NRP1: variants seen among roughly 807,000 people sequenced by gnomAD.
NRP1 encodes neuropilin-1.
Under a neutral mutation model 106.7 loss-of-function variants are expected in NRP1, and 35 were observed. The observed-to-expected ratio is 0.33, with a 90% confidence interval of 0.25 to 0.43. The LOEUF is 0.43. NRP1 is among the 20% of genes least tolerant of loss of function. NRP1 has a pLI of 1.00. For synonymous variants in NRP1, 437 were observed against 417.9 expected (o/e 1.05, Z -0.56); for missense variants, 1,024 against 1,170.4 (o/e 0.87, Z 1.83).
intron 9 of NRP1, chr10:33,212,917 C>T (rs568272378): frequency 2.5e-5 from 8 of 320,096 alleles, no homozygotes; most frequent in East Asian, 1.9e-4. Context: ...ACAATCCGCC[C>T]GACTCGGCAT....
chr10:33,262,153 A>G (rs1842618874), intron 4 of NRP1, among the ~76,000 whole-genome samples: 1 of 152,216 alleles, frequency 6.6e-6, no homozygotes, highest in South Asian at 2.1e-4. Flanking sequence ...AGAACTTCCA[A>G]GCCATCCTCT....
At chr10:33,201,715 G>A (rs1451170442) in intron 11 of NRP1, 1 of 152,174 alleles carries the variant, frequency 6.6e-6, no homozygotes, top group Non-Finnish European at 1.5e-5. Flanking sequence ...GAATGTAAAT[G>A]ATTATCCTGG....
At position 33,298,826 on chromosome 10, in the gene NRP1, C is replaced by A. The variant is rs900581490; in HGVS notation, c.249-27970G>T. On this transcript the variant is annotated intron_variant, in intron 2 of 16. Coordinates refer to ENST00000374867, the MANE Select transcript of NRP1 (RefSeq NM_003873.7). ...ATACCACCAGGCACACCGTAGACAC[C>A]ACACGAATTCTAGCTGTCATATTCC... is the stretch of plus-strand genomic sequence containing the variant. 2.6e-5 allele frequency among the ~76,000 whole-genome samples: 4 copies of A among 152,228 alleles called. No individual in the cohort carries two copies. In the South Asian group the frequency reaches 8.3e-4, roughly 32 times the overall value.
chr10:33,258,719 C>A (rs1312795368), intron 4 of NRP1, among the ~76,000 whole-genome samples: 1 of 152,170 alleles, frequency 6.6e-6, no homozygotes, highest in East Asian at 1.9e-4. Flanking sequence ...AGATTTTCTT[C>A]ATTCTGGATG....
At chr10:33,254,544 T>A (rs1842074550) in intron 5 of NRP1, among the ~76,000 whole-genome samples, 1 of 152,202 alleles carries the variant, frequency 6.6e-6, no homozygotes, top group Non-Finnish European at 1.5e-5. Flanking sequence ...ACACAAAAAG[T>A]TGCATTTAAA....
chr10:33,268,577 A>G (rs1843082623), intron 3 of NRP1, among the ~76,000 whole-genome samples: 1 of 152,222 alleles, frequency 6.6e-6, no homozygotes, highest in African/African-American at 2.4e-5. Flanking sequence ...AGGAACACAA[A>G]GAATTCTTCA....
chr10:33,234,452 T>C (rs1345435878), intron 6 of NRP1, among the ~76,000 whole-genome samples: 1 of 152,210 alleles, frequency 6.6e-6, no homozygotes, highest in Non-Finnish European at 1.5e-5. Flanking sequence ...CCAATAGCTT[T>C]TCTTTTTGGA....
rs936058060 is a variant in NRP1, at chr10:33,179,956, G to T, written c.*120C>A. On this transcript the variant is annotated 3_prime_UTR_variant, in exon 17 of 17. Coordinates refer to ENST00000374867, the MANE Select transcript of NRP1 (RefSeq NM_003873.7). ...ATACTCATTGAAGCTCCTGAGAAAA[G>T]CCTGGCTCAGTGGTCATCAACACAC... 1.0e-6 allele frequency: 1 copy of T among 1,002,524 alleles called. No individual in the cohort carries two copies. Among genetic ancestry groups the T allele is most frequent in the Non-Finnish European group, 1.5e-6 (1 of 666,736 alleles). 62.1% of individuals were successfully genotyped at this position (1,002,524 alleles called of 1,614,324 possible). A position where few individuals can be genotyped will look rare whatever the true frequency, so the allele number is the denominator to read the frequency against.
chr10:33,290,823 G>A (rs1036432080), intron 2 of NRP1, among the ~76,000 whole-genome samples: 5 of 152,264 alleles, frequency 3.3e-5, no homozygotes, highest in South Asian at 4.1e-4. Context: ...GCAATAACCC[G>A]TCAAAACATC....
At chr10:33,311,466 G>T (rs1337905264) in intron 2 of NRP1, among the ~76,000 whole-genome samples, 1 of 152,214 alleles carries the variant, frequency 6.6e-6, no homozygotes, top group Non-Finnish European at 1.5e-5. Flanking sequence ...CTACTTGTCA[G>T]TGTCTTTCTA....
At chr10:33,275,572 A>T (rs1313670958) in intron 2 of NRP1, among the ~76,000 whole-genome samples, 4 of 151,964 alleles carry the variant, frequency 2.6e-5, no homozygotes, top group Admixed American at 2.0e-4. Context: ...TGTCTCAAAC[A>T]AACAAACGAA....
intron 2 of NRP1, among the ~76,000 whole-genome samples, chr10:33,284,695 G>T (rs1391590354): frequency 6.6e-6 from 1 of 151,124 alleles, no homozygotes; most frequent in African/African-American, 2.4e-5. Flanking sequence ...AATTTTTTTT[G>T]ATAGTAATTA....
chr10:33,247,766 G>A (rs969814122), intron 6 of NRP1, among the ~76,000 whole-genome samples: 3 of 152,178 alleles, frequency 2.0e-5, no homozygotes, highest in African/African-American at 7.2e-5. Flanking sequence ...CGCTGGCCAC[G>A]GTTTGACTTC....
chr10:33,251,895 G>C (rs556052683), intron 6 of NRP1, among the ~76,000 whole-genome samples: 4 of 152,082 alleles, frequency 2.6e-5, no homozygotes, highest in Admixed American at 2.6e-4. Context: ...TGGTACAGAA[G>C]GGGGAAGGGA....
At position 33,215,377 on chromosome 10, in the gene NRP1, T is replaced by C. The variant is rs139096946; in HGVS notation, c.1283-1660A>G. 5.7e-3 allele frequency among the ~76,000 whole-genome samples: 864 copies of C among 152,352 alleles called. 6 individuals carry two copies. The highest frequency in any genetic ancestry group is 7.3e-3 in the Non-Finnish European group (498 of 68,042). On this transcript the variant is annotated intron_variant, in intron 8 of 16. Transcript: ENST00000374867. Reference sequence around the variant, plus strand: ...TCTAAGGCTTTAAGATTGTTAGTCATGTACCCACAGCTAGATTATAAGATC... The same window carrying C: ...TCTAAGGCTTTAAGATTGTTAGTCACGTACCCACAGCTAGATTATAAGATC...
intron 8 of NRP1, among the ~76,000 whole-genome samples, chr10:33,219,437 CATTTTACTAGAGAG>C: frequency 6.6e-6 from 1 of 152,256 alleles, no homozygotes; most frequent in South Asian, 2.1e-4. Context: ...AGACTAGAGA[CATTTTACTAGAGAG>C]AAAATATTTA....
chr10:33,289,863 C>G (rs1844861179), intron 2 of NRP1, among the ~76,000 whole-genome samples: 1 of 152,204 alleles, frequency 6.6e-6, no homozygotes, highest in East Asian at 1.9e-4. Context: ...TAAAAATCCG[C>G]TACCTTTTGT....
At chr10:33,307,409 A>G (rs533185134) in intron 2 of NRP1, among the ~76,000 whole-genome samples, 14 of 152,306 alleles carry the variant, frequency 9.2e-5, no homozygotes, top group African/African-American at 3.4e-4. Flanking sequence ...TCTTGCATGC[A>G]AAGCCTAAAA....
intron 3 of NRP1, among the ~76,000 whole-genome samples, chr10:33,270,327 A>AT (rs1564442014): frequency 1.1e-4 from 13 of 119,636 alleles, no homozygotes; most frequent in African/African-American, 4.2e-4. Context: ...ATGTTAAATA[A>AT]ATTTTTTTTT....
Sources: allele counts gnomAD v4.1 joint callset (sites outside exome capture counted in the v4.1 genomes callset), GRCh38; gene constraint gnomAD v4.1.1; transcripts MANE v1.5; gene names NCBI Gene and HGNC (gene_info 2026-07-23, HGNC 2026-07-21).